Variants in TASP1 observed in about 807,000 individuals in gnomAD.
TASP1 encodes taspase 1.
A neutral mutation model predicts 56.6 loss-of-function variants in TASP1; 16 were observed. That is an observed-to-expected ratio of 0.28 (90% CI 0.19 to 0.43). TASP1 has a LOEUF of 0.43. Among genes scored for constraint, TASP1 ranks in the 20% least tolerant of loss-of-function variants. The pLI is 1.00. For missense variants in TASP1, 393 were observed against 511.6 expected (o/e 0.77, Z 2.24); for synonymous variants, 179 against 184.2 (o/e 0.97, Z 0.23).
chr20:13,456,548 C>T (rs542100909), intron 11 of TASP1, among the ~76,000 whole-genome samples: 2 of 152,156 alleles, frequency 1.3e-5, no homozygotes, highest in South Asian at 4.1e-4. Context: ...TACTCAGGAC[C>T]CTCAGATCTT....
chr20:13,531,128 C>G (rs953850236), intron 9 of TASP1, among the ~76,000 whole-genome samples: 4 of 152,136 alleles, frequency 2.6e-5, no homozygotes, highest in Non-Finnish European at 5.9e-5. Flanking sequence ...GCTGTTATTA[C>G]TAGGGGCTAT....
At chr20:13,372,629 G>A in the TASP1 span, among the ~76,000 whole-genome samples, 1 of 151,320 alleles carries the variant, frequency 6.6e-6, no homozygotes, top group African/African-American at 2.4e-5. Flanking sequence ...AACATCTAAT[G>A]TTATTATTGA....
chr20:13,251,958 GAAGC>G, the TASP1 span, among the ~76,000 whole-genome samples: 6,149 of 152,214 alleles, frequency 0.04, 184 homozygotes, highest in African/African-American at 0.079. Flanking sequence ...AGTCCAAGCT[GAAGC>G]AAGCAAGCAA....
intron 13 of TASP1, among the ~76,000 whole-genome samples, chr20:13,399,251 C>T (rs1372691243): frequency 1.3e-5 from 2 of 152,150 alleles, no homozygotes; most frequent in Non-Finnish European, 2.9e-5. Context: ...TGTTCACCTC[C>T]TTGGTGATCT....
At chr20:13,572,705 A>AAAAAT (rs2046762161) in intron 6 of TASP1, among the ~76,000 whole-genome samples, 4 of 150,426 alleles carry the variant, frequency 2.7e-5, no homozygotes, top group East Asian at 1.9e-4. Flanking sequence ...AAAAAAAAAA[A>AAAAAT]CTCTCAAGAA....
the TASP1 span, among the ~76,000 whole-genome samples, chr20:13,211,956 A>G: frequency 6.6e-6 from 1 of 152,266 alleles, no homozygotes; most frequent in East Asian, 1.9e-4. Context: ...AGTGCTTAAT[A>G]GGAAAGAAAT....
At chr20:13,329,186 C>CA in the TASP1 span, among the ~76,000 whole-genome samples, 2 of 151,906 alleles carry the variant, frequency 1.3e-5, no homozygotes, top group African/African-American at 4.8e-5. Context: ...ACCTCCCTGC[C>CA]AAAAAAATTT....
chr20:13,429,890 G>T (rs1302877225), intron 12 of TASP1, among the ~76,000 whole-genome samples: 1 of 152,000 alleles, frequency 6.6e-6, no homozygotes, highest in Non-Finnish European at 1.5e-5. Context: ...CTTCTTTCGG[G>T]AAGTCTTCTC....
At chr20:13,448,351 C>T (rs961291768) in intron 11 of TASP1, among the ~76,000 whole-genome samples, 11 of 152,180 alleles carry the variant, frequency 7.2e-5, no homozygotes, top group Middle Eastern at 3.4e-3. Flanking sequence ...ATATAAATTT[C>T]GAGTGGCTTT....
the TASP1 span, among the ~76,000 whole-genome samples, chr20:13,181,273 C>T: frequency 3.3e-5 from 5 of 152,194 alleles, no homozygotes; most frequent in Non-Finnish European, 4.4e-5. Flanking sequence ...CAAGATAGTG[C>T]TCCAGCTGCC....
chr20:13,599,901 T>C (rs1386218270), intron 4 of TASP1, among the ~76,000 whole-genome samples: 4 of 152,028 alleles, frequency 2.6e-5, no homozygotes, highest in Non-Finnish European at 5.9e-5. Flanking sequence ...CCTATATTTG[T>C]CTATATTTTA....
chr20:13,520,361 G>A (rs929609143), intron 10 of TASP1, among the ~76,000 whole-genome samples: 1 of 152,160 alleles, frequency 6.6e-6, no homozygotes, highest in African/African-American at 2.4e-5. Flanking sequence ...CTCGCTACCT[G>A]ACTTCAAACT....
intron 10 of TASP1, among the ~76,000 whole-genome samples, chr20:13,500,159 ATATG>A (rs1252270557): frequency 6.6e-6 from 1 of 151,274 alleles, no homozygotes; most frequent in African/African-American, 2.4e-5. Context: ...TAAATGTTTT[ATATG>A]TATAAAGGGC....
chr20:13,206,587 T>C, the TASP1 span, among the ~76,000 whole-genome samples: 1 of 152,170 alleles, frequency 6.6e-6, no homozygotes, highest in African/African-American at 2.4e-5. Context: ...GAGGAAGGCC[T>C]GCACAAGGTC....
the TASP1 span, among the ~76,000 whole-genome samples, chr20:13,145,737 C>G: frequency 1.3e-5 from 2 of 152,140 alleles, no homozygotes. Flanking sequence ...CAACTTCACA[C>G]TATACTACAA....
At chr20:13,471,060 C>A (rs1020534138) in intron 11 of TASP1, among the ~76,000 whole-genome samples, 3 of 152,160 alleles carry the variant, frequency 2.0e-5, no homozygotes, top group Admixed American at 2.0e-4. Flanking sequence ...AATCTCTGCT[C>A]TCCTAGAGTT....
At chr20:13,206,433 G>T in the TASP1 span, among the ~76,000 whole-genome samples, 3 of 152,082 alleles carry the variant, frequency 2.0e-5, no homozygotes, top group African/African-American at 7.2e-5. Flanking sequence ...GTAACTAAAT[G>T]CTGACACAAA....
the TASP1 span, among the ~76,000 whole-genome samples, chr20:13,111,699 A>G: frequency 6.6e-6 from 1 of 152,176 alleles, no homozygotes; most frequent in African/African-American, 2.4e-5. Context: ...AACACCTGTC[A>G]TTCAGGCCTA....
At chr20:13,609,603 G>C (rs1388626649) in intron 4 of TASP1, among the ~76,000 whole-genome samples, 2 of 150,394 alleles carry the variant, frequency 1.3e-5, no homozygotes, top group Admixed American at 1.3e-4. Flanking sequence ...CAGGAGAATA[G>C]CTTGAACCTG....
Sources: gnomAD v4.1 joint callset for allele counts (sites outside exome capture counted in the v4.1 genomes callset) on GRCh38, gnomAD v4.1.1 for gene constraint, MANE v1.5 for transcripts, NCBI Gene and HGNC (gene_info 2026-07-23, HGNC 2026-07-21) for gene names.